HSD17B13: variants seen among roughly 807,000 people sequenced by gnomAD.
The protein encoded by HSD17B13 is 17-beta-hydroxysteroid dehydrogenase 13.
Under a neutral mutation model 31.1 loss-of-function variants are expected in HSD17B13, and 26 were observed. The ratio of observed to expected loss-of-function variants is 0.84; its 90% CI spans 0.61 to 1.16. The LOEUF is 1.16. Ranked by LOEUF, HSD17B13 falls within the 50% of genes most tolerant of loss-of-function variation. HSD17B13 has a pLI of 0.00. For synonymous variants in HSD17B13, 141 were observed against 133.7 expected (o/e 1.05, Z -0.38); for missense variants, 374 against 366.5 (o/e 1.02, Z -0.17).
At chr4:87,318,873 T>G (rs1417229673) in intron 1 of HSD17B13, among the ~76,000 whole-genome samples, 2 of 150,756 alleles carry the variant, frequency 1.3e-5, no homozygotes, top group Admixed American at 1.3e-4. Context: ...TGAAGATTAG[T>G]TAACCTTTTA....
At chr4:87,314,985 G>A (rs763795595) in intron 4 of HSD17B13, among the ~76,000 whole-genome samples, 8 of 152,178 alleles carry the variant, frequency 5.3e-5, no homozygotes, top group South Asian at 2.1e-4. Flanking sequence ...TTTAAATTCT[G>A]TAAATCCAAA....
chr4:87,322,849 C>T lies in HSD17B13; in HGVS notation c.-8G>A. ...TTCTAGGATGATGTTCATGGCTTTG[C>T]TCTGTCCTCTTCCTTCTGGTTCAGT... is the stretch of plus-strand genomic sequence containing the variant. On this transcript the variant is annotated 5_prime_UTR_variant, in exon 1 of 7. Coordinates refer to ENST00000328546, the MANE Select transcript of HSD17B13 (RefSeq NM_178135.5). The T allele has an allele frequency of 6.2e-7, 1 of 1,611,506 alleles. No individual in the cohort carries two copies. Among genetic ancestry groups the T allele is most frequent in the Non-Finnish European group, 8.5e-7 (1 of 1,177,786 alleles).
rs748883101 is a variant in HSD17B13 at position 87,322,653 on chromosome 4, C to A, written c.189G>T (p.Leu63Phe). Reference protein sequence around the residue: ...TYEFAKRQSILVLWDINKRGV... With the variant: ...TYEFAKRQSIFVLWDINKRGV... ...TTACCTTATTAATATCCCACAGAAC[C>A]AATATGCTCTGTCGTTTTGCAAATT... Residue 63 changes from leucine to phenylalanine, a missense_variant, in exon 1 of 7, where the codon TTG becomes TTT. By Grantham distance (22) the Leu-to-Phe change is conservative (BLOSUM62 0). Transcript: ENST00000328546. The A allele has an allele frequency of 1.9e-6, 3 of 1,611,658 alleles. No individual in the cohort carries two copies. Among genetic ancestry groups the A allele is most frequent in the South Asian group, 1.1e-5 (1 of 91,034 alleles).
At chr4:87,322,157 C>G (rs6833257) in intron 1 of HSD17B13, among the ~76,000 whole-genome samples, 15,000 of 152,206 alleles carry the variant, frequency 0.099, 2,417 homozygotes, top group African/African-American at 0.34. Flanking sequence ...CTTTTGACTA[C>G]GGACTGGCAA....
intron 1 of HSD17B13, among the ~76,000 whole-genome samples, chr4:87,321,397 T>TA (rs1267823486): frequency 6.6e-6 from 1 of 151,986 alleles, no homozygotes; most frequent in Non-Finnish European, 1.5e-5. Flanking sequence ...TTTTAAAATT[T>TA]AAAAAAAACT....
chr4:87,322,859 T>G lies in HSD17B13; in HGVS notation c.-18A>C. ...ATGTTCATGGCTTTGCTCTGTCCTC[T>G]TCCTTCTGGTTCAGTCCTTGTGTAG... On this transcript the variant is annotated 5_prime_UTR_variant, in exon 1 of 7. Coordinates refer to ENST00000328546, the MANE Select transcript of HSD17B13 (RefSeq NM_178135.5). 1 of 1,604,056 alleles carries G rather than the reference T, an allele frequency of 6.2e-7. No homozygotes were observed. Among genetic ancestry groups the G allele is most frequent in the Non-Finnish European group, 8.5e-7 (1 of 1,171,272 alleles).
chr4:87,305,392 C>T (rs1049475460), intron 6 of HSD17B13, 84 bp from the exon 7 acceptor site: 14 of 770,926 alleles, frequency 1.8e-5, no homozygotes, highest in Non-Finnish European at 2.2e-5. Context: ...ATTTAGAATA[C>T]GCTGAGAGTT....
chr4:87,317,570 T>A (rs1269477355), intron 2 of HSD17B13, among the ~76,000 whole-genome samples: 3 of 120,850 alleles, frequency 2.5e-5, no homozygotes, highest in African/African-American at 1.0e-4. Flanking sequence ...AAACTTTTTT[T>A]TTTTTTTTTT....
chr4:87,310,309 C>T lies in HSD17B13; in HGVS notation c.746G>A (p.Gly249Glu), dbSNP rs752963546. The T allele has an allele frequency of 8.9e-6, 14 of 1,577,454 alleles. No individual in the cohort carries two copies. The highest frequency in any genetic ancestry group is 9.4e-6 in the Non-Finnish European group (11 of 1,166,366). The change falls in exon 6 of 7, where the codon GGA becomes GAA. Residue 249 changes from glycine to glutamate, a missense_variant. Physicochemically the swap from Gly to Glu is moderately conservative, Grantham distance 98. Transcript: ENST00000328546. ...TDEVVRSLID[G>E]ILTNKKMIFV... Reference sequence around the variant, plus strand: ...AATCATTTTCTTATTGGTAAGTATTCCATCTATCAGACTTCTTACGACTTC... The same window carrying T: ...AATCATTTTCTTATTGGTAAGTATTTCATCTATCAGACTTCTTACGACTTC...
At chr4:87,322,513 G>T in intron 1 of HSD17B13, 119 bp downstream of exon 1, 2 of 741,494 alleles carry the variant, frequency 2.7e-6, no homozygotes, top group East Asian at 2.6e-5. Flanking sequence ...TAAGGGACCA[G>T]GGAATTTATC....
intron 2 of HSD17B13, 144 bp from the exon 3 acceptor site, chr4:87,317,367 C>A: frequency 2.7e-6 from 2 of 734,574 alleles, no homozygotes; most frequent in Non-Finnish European, 4.4e-6. Flanking sequence ...GAGCTCAAAT[C>A]GTGGAGGCCA....
chr4:87,313,764 T>G (rs1734586231), intron 5 of HSD17B13, 59 bp downstream of exon 5: 11 of 1,426,004 alleles, frequency 7.7e-6, no homozygotes, highest in Non-Finnish European at 1.1e-5. Context: ...ACATTTCTCA[T>G]TAGTTTTCAT....
At chr4:87,318,574 C>A (rs1207036117) in intron 1 of HSD17B13, 138 bp from the exon 2 acceptor site, 3 of 630,532 alleles carry the variant, frequency 4.8e-6, no homozygotes, top group Non-Finnish European at 8.5e-6. Flanking sequence ...CCGAGGAGGG[C>A]GGATCACGAG....
chr4:87,312,962 G>A (rs903859379), intron 5 of HSD17B13, among the ~76,000 whole-genome samples: 5 of 150,170 alleles, frequency 3.3e-5, no homozygotes, highest in African/African-American at 1.3e-4. Flanking sequence ...AGGAGGCTGA[G>A]GAAGGAGAAT....
At chr4:87,322,522 T>C in intron 1 of HSD17B13, 110 bp downstream of exon 1, 1 of 808,008 alleles carries the variant, frequency 1.2e-6, no homozygotes, top group Middle Eastern at 3.3e-4. Context: ...AGGGAATTTA[T>C]CAAACTTTGA....
chr4:87,319,867 A>T (rs1734741732), intron 1 of HSD17B13, among the ~76,000 whole-genome samples: 1 of 152,192 alleles, frequency 6.6e-6, no homozygotes, highest in African/African-American at 2.4e-5. Context: ...ATGTTTCTTG[A>T]CTCACATTCT....
intron 3 of HSD17B13, among the ~76,000 whole-genome samples, chr4:87,316,426 T>TAACTATATA (rs1734650630): frequency 2.0e-5 from 3 of 152,174 alleles, no homozygotes; most frequent in Admixed American, 6.6e-5. Flanking sequence ...ACACATCTCT[T>TAACTATATA]TTTTTTCTTC....
chr4:87,312,391 G>C (rs897301325), intron 5 of HSD17B13, among the ~76,000 whole-genome samples: 1 of 152,084 alleles, frequency 6.6e-6, no homozygotes, highest in Non-Finnish European at 1.5e-5. Flanking sequence ...AGACAATACA[G>C]GATAGAGCAC....
In HSD17B13 at chr4:87,318,506, C is replaced by A; in HGVS notation, c.211-70G>T. Reference sequence around the variant, plus strand: ...ACATTGGAGAAGAAAAATTTTTAGACAATTAACATTCGGCTAGGCGCGGTG... The same window carrying A: ...ACATTGGAGAAGAAAAATTTTTAGAAAATTAACATTCGGCTAGGCGCGGTG... On this transcript the variant is annotated intron_variant, in intron 1 of 6. Coordinates refer to ENST00000328546, the MANE Select transcript of HSD17B13 (RefSeq NM_178135.5). The A allele has an allele frequency of 4.5e-6, 6 of 1,326,418 alleles. 1 individual carries two copies. The highest frequency in any genetic ancestry group is 6.5e-6 in the Non-Finnish European group (6 of 920,084). 82.2% of individuals were successfully genotyped at this position (1,326,418 alleles called of 1,614,324 possible).
Sources: gnomAD v4.1 joint callset for allele counts (sites outside exome capture counted in the v4.1 genomes callset) on GRCh38, gnomAD v4.1.1 for gene constraint, MANE v1.5 for transcripts, NCBI Gene and HGNC (gene_info 2026-07-23, HGNC 2026-07-21) for gene names.